Variants in CSF2RB observed in about 807,000 individuals in gnomAD.
CSF2RB encodes cytokine receptor common subunit beta.
Under a neutral mutation model 67.2 loss-of-function variants are expected in CSF2RB, and 22 were observed. That is an observed-to-expected ratio of 0.33 (90% CI 0.23 to 0.47). The LOEUF is 0.47. CSF2RB is among the 20% of genes least tolerant of loss of function. The pLI is 1.00. For synonymous variants in CSF2RB, 507 were observed against 482.9 expected (o/e 1.05, Z -0.65); for missense variants, 1,113 against 1,174.5 (o/e 0.95, Z 0.76).
intron 1 of CSF2RB, among the ~76,000 whole-genome samples, chr22:36,921,013 A>G (rs1392360521): frequency 6.6e-6 from 1 of 150,766 alleles, no homozygotes. Flanking sequence ...GTGTCTGTGC[A>G]TGTATCTGTA....
Position 36,938,073 on chromosome 22 carries a change from C to T in CSF2RB, c.2265C>T (p.Ala755=), listed in dbSNP as rs769258715. Residue 755 remains alanine (A), a synonymous_variant, in exon 14 of 14, where the codon GCC becomes GCT. Transcript: ENST00000403662. ...CPGLASGPPG[A]PGPVKSGFEG... is the part of the protein sequence containing the mutation. ...GGCTGGCCAGTGGACCCCCTGGAGC[C>T]CCAGGCCCTGTGAAGTCAGGGTTTG... 3 of 1,614,018 alleles carry T rather than the reference C, an allele frequency of 1.9e-6. No individual in the cohort carries two copies. The African/African-American group carries it at 4.0e-5, about 22-fold the overall frequency.
intron 1 of CSF2RB, among the ~76,000 whole-genome samples, chr22:36,918,793 G>C (rs2145771207): frequency 6.6e-6 from 1 of 152,318 alleles, no homozygotes; most frequent in South Asian, 2.1e-4. Context: ...AGCAGTTTCA[G>C]GCTAGTATGG....
chr22:36,932,626 G>C (rs141897029), intron 8 of CSF2RB, 139 bp from the exon 9 acceptor site: 1 of 926,822 alleles, frequency 1.1e-6, no homozygotes, highest in South Asian at 1.4e-5. Flanking sequence ...AGTGAAGTGG[G>C]GATGAAAAGG....
chr22:36,932,819 T>C lies in CSF2RB; in HGVS notation c.1067T>C (p.Leu356Pro). Residue 356 changes from leucine (L) to proline (P), a missense_variant, in exon 9 of 14, where the codon CTG becomes CCG. Coordinates refer to ENST00000403662, the MANE Select transcript of CSF2RB (RefSeq NM_000395.3). ...NVTKDGDSYS[L>P]RWETMKMRYE... ...ACCAAGGATGGAGACAGCTACAGCC[T>C]GCGCTGGGAAACAATGAAAATGCGA... 3 of 1,614,068 alleles carry C rather than the reference T, an allele frequency of 1.9e-6. No individual in the cohort carries two copies. The highest frequency in any genetic ancestry group is 2.5e-6 in the Non-Finnish European group (3 of 1,180,024).
At chr22:36,930,305 C>A in intron 6 of CSF2RB, 70 bp from the exon 7 acceptor site, 2 of 1,604,744 alleles carry the variant, frequency 1.2e-6, no homozygotes, top group Non-Finnish European at 1.7e-6. Context: ...ATGAATCACA[C>A]GGTGGGCACC....
intron 9 of CSF2RB, 48 bp downstream of exon 9, chr22:36,932,952 G>A (rs1217748507): frequency 6.2e-7 from 1 of 1,609,438 alleles, no homozygotes; most frequent in Non-Finnish European, 8.5e-7. Flanking sequence ...GAGGGCGGGA[G>A]AAGGGAAAGC....
In CSF2RB at chr22:36,937,282, C is replaced by T; in HGVS notation, c.1569-95C>T. The T allele has an allele frequency of 6.7e-7, 1 of 1,488,716 alleles. No homozygotes were observed. The highest frequency in any genetic ancestry group is 2.2e-4 in the Middle Eastern group (1 of 4,466). The allele number at this position is 1,488,716 out of a possible 1,614,324, so 92.2% of individuals were successfully genotyped here. A position where few individuals can be genotyped will look rare whatever the true frequency, so the allele number is the denominator to read the frequency against. The stretch of plus-strand genomic sequence containing the variant: ...GAGATCTGGGGGACATCAGGGCTTC[C>T]AGAGAACCATCTCCACCCCACCAAG... On this transcript the variant is annotated intron_variant, in intron 13 of 13. Coordinates refer to ENST00000403662, the MANE Select transcript of CSF2RB (RefSeq NM_000395.3). The surrounding 1 kb of genome is among the most constrained non-coding windows in gnomAD (Gnocchi z 4.6).
In CSF2RB at chr22:36,939,167, G is replaced by C. The variant is rs1312638823; in HGVS notation, c.*665G>C. 2 of 702,174 alleles carry C rather than the reference G, an allele frequency of 2.8e-6. No homozygotes were observed. The highest frequency in any genetic ancestry group is 3.5e-5 in the African/African-American group (2 of 57,234). 43.5% of individuals were successfully genotyped at this position (702,174 alleles called of 1,614,324 possible). ...GTGCAAGGGACGCACATGAGAGACTGTTTGGGAGCTTCTGGGGAGCCCTGC... is the reference window on the plus strand; with the variant it reads ...GTGCAAGGGACGCACATGAGAGACTCTTTGGGAGCTTCTGGGGAGCCCTGC... On this transcript the variant is annotated 3_prime_UTR_variant, in exon 14 of 14. Coordinates refer to ENST00000403662, the MANE Select transcript of CSF2RB (RefSeq NM_000395.3).
intron 3 of CSF2RB, 86 bp from the exon 4 acceptor site, chr22:36,925,901 C>T (rs1943529542): frequency 7.1e-7 from 1 of 1,416,506 alleles, no homozygotes; most frequent in Non-Finnish European, 9.9e-7. Flanking sequence ...CTGAACAGAG[C>T]CAGGCATGTG....
chr22:36,926,773 T>G (rs1268651594), intron 4 of CSF2RB, among the ~76,000 whole-genome samples: 1 of 152,258 alleles, frequency 6.6e-6, no homozygotes, highest in African/African-American at 2.4e-5. Context: ...TATTTGCCTC[T>G]ATATTAGAAA....
chr22:36,931,517 C>CAT (rs1284592800), intron 8 of CSF2RB, among the ~76,000 whole-genome samples: 8 of 152,234 alleles, frequency 5.3e-5, no homozygotes, highest in Middle Eastern at 3.2e-3. Flanking sequence ...ATGCCTGGCA[C>CAT]ATAAGAGACC....
chr22:36,930,922 C>T (rs1343491045), intron 8 of CSF2RB, 92 bp downstream of exon 8: 18 of 1,461,808 alleles, frequency 1.2e-5, no homozygotes, highest in East Asian at 1.1e-4. Flanking sequence ...CTCCTGGCCC[C>T]GTCTTCATGT....
chr22:36,914,315 G>T (rs1212019613), intron 1 of CSF2RB, among the ~76,000 whole-genome samples: 1 of 152,004 alleles, frequency 6.6e-6, no homozygotes, highest in African/African-American at 2.4e-5. Context: ...GTGCGGTGTG[G>T]CTTGAGAAGC....
rs61736839 is a variant in CSF2RB at position 36,926,059 on chromosome 22, C to T, written c.273C>T (p.Cys91=). 8.8e-3 allele frequency: 14,223 copies of T among 1,614,216 alleles called. 97 individuals are homozygous for T. The highest frequency in any genetic ancestry group is 0.019 in the South Asian group (1,695 of 91,086). The part of the protein sequence containing the change: ...MPWSACPHPR[C]VPRRCVIPCQ... Reference sequence around the variant, plus strand: ...GGTCAGCCTGCCCCCATCCCCGCTGCGTGCCCAGGAGATGTGTCATTCCCT... The same window carrying T: ...GGTCAGCCTGCCCCCATCCCCGCTGTGTGCCCAGGAGATGTGTCATTCCCT... The change falls in exon 4 of 14, where the codon TGC becomes TGT. Residue 91 remains cysteine (C), a synonymous_variant. Coordinates refer to ENST00000403662, the MANE Select transcript of CSF2RB (RefSeq NM_000395.3).
intron 4 of CSF2RB, among the ~76,000 whole-genome samples, chr22:36,927,195 G>A (rs1414664401): frequency 6.6e-6 from 1 of 152,228 alleles, no homozygotes; most frequent in Non-Finnish European, 1.5e-5. Context: ...CACTGCCAGA[G>A]GAGGGGATCA....
At chr22:36,914,761 A>G (rs542673307) in intron 1 of CSF2RB, among the ~76,000 whole-genome samples, 1 of 152,318 alleles carries the variant, frequency 6.6e-6, no homozygotes, top group South Asian at 2.1e-4. Flanking sequence ...ATAATGAGTA[A>G]ACATTTCCTA....
rs151112655 is a variant in CSF2RB, at chr22:36,930,707, C to G, written c.889C>G (p.Leu297Val). Residue 297 changes from leucine (L) to valine (V), a missense_variant, in exon 8 of 14, where the codon CTC (leucine) becomes GTC (valine). Physicochemically the swap from Leu to Val is conservative, Grantham distance 32. Around this residue, in one of 2 missense-constraint regions of CSF2RB, gnomAD observed 559 missense variants for 656.5 expected, o/e 0.85. Coordinates refer to ENST00000403662, the MANE Select transcript of CSF2RB (RefSeq NM_000395.3). ...GTGCTCCCCAGTGCTGAGGGAGGGG[C>G]TCGGCAGCCTCCACACCAGGCACCA... Reference protein sequence around the residue: ...EECSPVLREGLGSLHTRHHCQ... With the variant: ...EECSPVLREGVGSLHTRHHCQ... The G allele has an allele frequency of 4.4e-4, 706 of 1,613,096 alleles. 3 individuals carry two copies. The African/African-American group carries it at 8.3e-3, about 19-fold the overall frequency.
chr22:36,937,799 G>A lies in CSF2RB; in HGVS notation c.1991G>A (p.Gly664Glu). ...VERRPSQGAAGSPSLESGGGP... is the reference protein window; with the variant it reads ...VERRPSQGAAESPSLESGGGP... ...AGAAGGCCGAGCCAGGGGGCTGCAG[G>A]GAGTCCCTCCCTGGAGTCCGGGGGA... Residue 664 changes from glycine to glutamate, a missense_variant, in exon 14 of 14, where the codon GGG becomes GAG. Gly to Glu is a moderately conservative substitution (Grantham distance 98). Around this residue, in one of 2 missense-constraint regions of CSF2RB, gnomAD observed 554 missense variants for 517.9 expected, o/e 1.07. Transcript: ENST00000403662. The surrounding 1 kb of genome is among the most constrained non-coding windows in gnomAD (Gnocchi z 4.6). 1.3e-6 allele frequency: 2 copies of A among 1,594,964 alleles called. No individual in the cohort carries two copies. Among genetic ancestry groups the A allele is most frequent in the Non-Finnish European group, 1.7e-6 (2 of 1,171,004 alleles).
Position 36,932,789 on chromosome 22 carries a change from A to T in CSF2RB, c.1037A>T (p.Asn346Ile), listed in dbSNP as rs373144953. 1.2e-6 allele frequency: 2 copies of T among 1,613,958 alleles called. No individual in the cohort carries two copies. The highest frequency in any genetic ancestry group is 2.7e-5 in the African/African-American group (2 of 75,058). ...GTCCAGATGGCCCCTCCATCCCTCA[A>T]CGTGACCAAGGATGGAGACAGCTAC... ...VNIQMAPPSL[N>I]VTKDGDSYSL... The change falls in exon 9 of 14, where the codon AAC becomes ATC. Residue 346 changes from asparagine to isoleucine, a missense_variant. Asn to Ile is a moderately radical substitution (Grantham distance 149). Coordinates refer to ENST00000403662, the MANE Select transcript of CSF2RB (RefSeq NM_000395.3).
Sources: gnomAD v4.1 joint callset for allele counts (sites outside exome capture counted in the v4.1 genomes callset) on GRCh38, gnomAD v4.1.1 for gene constraint, gnomAD v4.1.1 regional missense constraint, Gnocchi (gnomAD v3.1) non-coding constraint, MANE v1.5 for transcripts, NCBI Gene and HGNC (gene_info 2026-07-23, HGNC 2026-07-21) for gene names.